The following USP32 variants were observed in gnomAD, a reference collection of about 807,000 sequenced individuals.
The protein encoded by USP32 is ubiquitin carboxyl-terminal hydrolase 32.
A neutral mutation model predicts 204.8 loss-of-function variants in USP32; 59 were observed. The observed-to-expected ratio is 0.29, with a 90% confidence interval of 0.23 to 0.36. The LOEUF (loss-of-function observed/expected upper bound fraction) is 0.36, where lower values mean the gene tolerates loss of function less well. Ranked by LOEUF, USP32 falls within the 10% of genes least tolerant of loss-of-function variation. The pLI, the probability that USP32 is intolerant of heterozygous loss-of-function variation, is 1.00. For synonymous variants in USP32, 517 were observed against 678.4 expected (o/e 0.76, Z 3.70); for missense variants, 1,160 against 1,946.4 (o/e 0.60, Z 7.60).
rs575922186 is a variant in USP32, at chr17:60,211,193, C to G, written c.2319-75G>C. 2.5e-3 allele frequency: 3,906 copies of G among 1,562,908 alleles called. 4 individuals are homozygous for G. Among genetic ancestry groups the G allele is most frequent in the Non-Finnish European group, 3.1e-3 (3,590 of 1,155,830 alleles). ...ATCATGTGGGCGCAAAAATGCCTAGCATCTCACATCAAAATATCTTTTCTT... is the reference window on the plus strand; with the variant it reads ...ATCATGTGGGCGCAAAAATGCCTAGGATCTCACATCAAAATATCTTTTCTT... On this transcript the variant is annotated intron_variant, in intron 20 of 33. Transcript: ENST00000300896.
chr17:60,254,002 G>A (rs985843143), intron 10 of USP32, among the ~76,000 whole-genome samples: 2 of 152,134 alleles, frequency 1.3e-5, no homozygotes, highest in Non-Finnish European at 2.9e-5. Flanking sequence ...CTCAGGAAGA[G>A]ACCAATTTCC....
upstream of USP32, among the ~76,000 whole-genome samples, chr17:60,395,570 G>A (rs561038326): frequency 6.6e-6 from 1 of 152,282 alleles, no homozygotes; most frequent in South Asian, 2.1e-4. Flanking sequence ...TTGTCATGCT[G>A]AAAGGAATTC....
intron 9 of USP32, among the ~76,000 whole-genome samples, chr17:60,261,226 T>C (rs1276606120): frequency 2.0e-5 from 3 of 152,224 alleles, no homozygotes; most frequent in Non-Finnish European, 4.4e-5. Flanking sequence ...TTTAATTTTA[T>C]AGGACTCAGC....
intron 2 of USP32, among the ~76,000 whole-genome samples, chr17:60,307,096 CCTTT>C (rs1372154774): frequency 3.3e-5 from 5 of 151,336 alleles, no homozygotes; most frequent in East Asian, 1.9e-4. Context: ...AATTTTTTTT[CCTTT>C]CTTTTTTTTT....
intron 26 of USP32, among the ~76,000 whole-genome samples, chr17:60,202,111 T>C (rs1287475699): frequency 9.2e-5 from 14 of 152,182 alleles, no homozygotes; most frequent in Admixed American, 8.5e-4. Flanking sequence ...GAAAGGTAGG[T>C]GCCAAGTTTC....
intron 5 of USP32, among the ~76,000 whole-genome samples, chr17:60,280,580 C>T (rs1398744612): frequency 6.6e-6 from 1 of 152,184 alleles, no homozygotes; most frequent in African/African-American, 2.4e-5. Flanking sequence ...TGCATGTTAA[C>T]ATGTTATTTA....
intron 1 of USP32, among the ~76,000 whole-genome samples, chr17:60,405,916 G>A (rs1462889313): frequency 6.6e-6 from 1 of 152,078 alleles, no homozygotes; most frequent in Non-Finnish European, 1.5e-5. Flanking sequence ...CACTTTGGGA[G>A]GCCAGTGTGG....
chr17:60,345,873 T>G (rs530217925), intron 1 of USP32, among the ~76,000 whole-genome samples: 1 of 151,944 alleles, frequency 6.6e-6, no homozygotes, highest in Non-Finnish European at 1.5e-5. Context: ...TCCCAGCTAC[T>G]TGGGAGGCTG....
intron 9 of USP32, among the ~76,000 whole-genome samples, chr17:60,255,675 T>G (rs1282261050): frequency 6.6e-6 from 1 of 152,234 alleles, no homozygotes; most frequent in East Asian, 1.9e-4. Context: ...CTAGTTCAAG[T>G]TCGTTCCTGT....
intron 1 of USP32, among the ~76,000 whole-genome samples, chr17:60,362,557 G>GA (rs2089230547): frequency 6.6e-6 from 1 of 152,202 alleles, no homozygotes; most frequent in Non-Finnish European, 1.5e-5. Context: ...GAAATCTGTT[G>GA]TATACTTAAA....
chr17:60,332,173 G>A (rs898669722), intron 2 of USP32, among the ~76,000 whole-genome samples: 5 of 151,982 alleles, frequency 3.3e-5, no homozygotes, highest in African/African-American at 7.3e-5. Flanking sequence ...CACGAGACTC[G>A]CTTGAACCTG....
At chr17:60,204,099 AAT>A (rs2084760333) in intron 26 of USP32, among the ~76,000 whole-genome samples, 1 of 152,152 alleles carries the variant, frequency 6.6e-6, no homozygotes. Context: ...CCTTTAATGC[AAT>A]AGTTATATAT....
intron 12 of USP32, among the ~76,000 whole-genome samples, chr17:60,234,450 G>A (rs1351315077): frequency 1.3e-5 from 2 of 151,026 alleles, no homozygotes; most frequent in East Asian, 2.0e-4. Context: ...TTTTTGGACC[G>A]GGCGTGGTGG....
intron 18 of USP32, among the ~76,000 whole-genome samples, chr17:60,213,193 A>C (rs971624826): frequency 6.6e-6 from 1 of 152,248 alleles, no homozygotes; most frequent in Non-Finnish European, 1.5e-5. Flanking sequence ...GTGAGTAGCC[A>C]ATGTTGGTGA....
At chr17:60,204,582 C>T (rs1460837520) in intron 26 of USP32, among the ~76,000 whole-genome samples, 1 of 151,814 alleles carries the variant, frequency 6.6e-6, no homozygotes, top group East Asian at 1.9e-4. Flanking sequence ...AATTCTCCTG[C>T]CTCAGCATCT....
chr17:60,358,016 G>A (rs1204444815), intron 1 of USP32, among the ~76,000 whole-genome samples: 6 of 151,864 alleles, frequency 4.0e-5, no homozygotes, highest in African/African-American at 1.5e-4. Flanking sequence ...TGATCCACCC[G>A]CCTCCACCTC....
rs185553329 is a variant in USP32 at position 60,409,337 on chromosome 17, G to A, written c.106+12909C>T. Among the ~76,000 whole-genome samples, 24 of 152,322 alleles carry A rather than the reference G, an allele frequency of 1.6e-4. No homozygotes were observed. The East Asian group carries it at 3.7e-3, about 23-fold the overall frequency. On this transcript the variant is annotated intron_variant, in intron 1 of 3. Transcript: ENST00000588898. ...CATTCCAGCCTATGCAACAGAGCGAGACTCCGTCTCAAAAACAAAAACAAA... is the reference window on the plus strand; with the variant it reads ...CATTCCAGCCTATGCAACAGAGCGAAACTCCGTCTCAAAAACAAAAACAAA...
At chr17:60,266,704 G>A (rs537466699) in intron 7 of USP32, among the ~76,000 whole-genome samples, 1 of 145,160 alleles carries the variant, frequency 6.9e-6, no homozygotes, top group East Asian at 2.0e-4. Flanking sequence ...CGCCCAGGCT[G>A]TGGTGCAGTG....
chr17:60,392,498 C>A, upstream of USP32: 10 of 271,450 alleles, frequency 3.7e-5, no homozygotes, highest in South Asian at 2.6e-4. Flanking sequence ...CGCCCCCGCG[C>A]CCACATGTTC....
Sources: allele counts gnomAD v4.1 joint callset (sites outside exome capture counted in the v4.1 genomes callset), GRCh38; gene constraint gnomAD v4.1.1; transcripts MANE v1.5; gene names NCBI Gene and HGNC (gene_info 2026-07-23, HGNC 2026-07-21).